Variants in LRP1B observed in about 807,000 individuals in gnomAD.
LRP1B encodes low-density lipoprotein receptor-related protein 1B.
A neutral mutation model predicts 556.6 loss-of-function variants in LRP1B; 217 were observed. The observed-to-expected ratio is 0.39, with a 90% confidence interval of 0.35 to 0.44. The LOEUF is 0.44. Among genes scored for constraint, LRP1B ranks in the 20% least tolerant of loss-of-function variants. The pLI is 1.00. For synonymous variants in LRP1B, 2,047 were observed against 1,865.8 expected (o/e 1.10, Z -2.50); for missense variants, 5,053 against 5,620.8 (o/e 0.90, Z 3.23).
Position 141,699,742 on chromosome 2 carries a change from A to G in LRP1B, c.205+110537T>C, listed in dbSNP as rs1456386603. 2.6e-5 allele frequency among the ~76,000 whole-genome samples: 4 copies of G among 151,058 alleles called. No homozygotes were observed. The Admixed American group carries it at 2.7e-4, about 10-fold the overall frequency. ...GTACACAATAGTGTCAGGTTTTGAA[A>G]TGGCCTTTCCAGTAGTATTGTACAA... On this transcript the variant is annotated intron_variant, in intron 2 of 90. Coordinates refer to ENST00000389484, the MANE Select transcript of LRP1B (RefSeq NM_018557.3).
At position 140,530,268 on chromosome 2, in the gene LRP1B, G is replaced by T. The variant is rs1690630676; in HGVS notation, c.7762+3753C>A. On this transcript the variant is annotated intron_variant, in intron 47 of 90. Coordinates refer to ENST00000389484, the MANE Select transcript of LRP1B (RefSeq NM_018557.3). Reference sequence around the variant, plus strand: ...AGGTGATTTGTGTGTCTGCATATATGTACAAAAAAGCACTGCATCTCTTCA... The same window carrying T: ...AGGTGATTTGTGTGTCTGCATATATTTACAAAAAAGCACTGCATCTCTTCA... Among the ~76,000 whole-genome samples the T allele has an allele frequency of 2.6e-5, 4 of 151,150 alleles. No individual in the cohort carries two copies. The South Asian group carries it at 6.2e-4, about 24-fold the overall frequency.
intron 3 of LRP1B, among the ~76,000 whole-genome samples, chr2:141,419,672 T>C (rs1019769012): frequency 6.6e-6 from 1 of 152,088 alleles, no homozygotes; most frequent in African/African-American, 2.4e-5. Flanking sequence ...TTAATCTAGC[T>C]AAAGATTTGT....
At chr2:141,326,438 G>A (rs750685809) in intron 3 of LRP1B, among the ~76,000 whole-genome samples, 7 of 152,016 alleles carry the variant, frequency 4.6e-5, no homozygotes, top group Non-Finnish European at 8.8e-5. Flanking sequence ...GCATGGCCAC[G>A]GAAAGAAAGT....
intron 3 of LRP1B, among the ~76,000 whole-genome samples, chr2:141,271,519 C>G (rs185929026): frequency 6.6e-6 from 1 of 151,546 alleles, no homozygotes; most frequent in African/African-American, 2.4e-5. Flanking sequence ...AAAGAAGTCC[C>G]AATATGAATA....
intron 2 of LRP1B, among the ~76,000 whole-genome samples, chr2:141,562,528 T>C (rs539995345): frequency 6.6e-6 from 1 of 152,062 alleles, no homozygotes; most frequent in South Asian, 2.1e-4. Flanking sequence ...ATACTTAATA[T>C]TATCTCTGGC....
chr2:140,442,683 C>A (rs1170952456), intron 65 of LRP1B, 60 bp from the exon 66 acceptor site: 1 of 1,524,526 alleles, frequency 6.6e-7, no homozygotes, highest in Non-Finnish European at 9.0e-7. Context: ...TTATTAAAAG[C>A]AAATTTTACA....
chr2:140,344,752 G>C (rs1002429121), intron 77 of LRP1B, among the ~76,000 whole-genome samples: 5 of 151,676 alleles, frequency 3.3e-5, no homozygotes, highest in Non-Finnish European at 5.9e-5. Context: ...AATTATGTTA[G>C]CATGTCGATA....
At chr2:141,327,565 A>T (rs72981234) in intron 3 of LRP1B, among the ~76,000 whole-genome samples, 3,384 of 152,252 alleles carry the variant, frequency 0.022, 151 homozygotes, top group African/African-American at 0.077. Context: ...CTACTACATC[A>T]TGTTATGCCT....
chr2:141,809,862 G>A (rs1368412944), intron 2 of LRP1B, among the ~76,000 whole-genome samples: 5 of 151,920 alleles, frequency 3.3e-5, no homozygotes, highest in Non-Finnish European at 2.9e-5. Context: ...GTCTCAAAAT[G>A]TGTGAGATAA....
At chr2:141,452,814 C>T (rs1168926689) in intron 3 of LRP1B, among the ~76,000 whole-genome samples, 1 of 152,178 alleles carries the variant, frequency 6.6e-6, no homozygotes, top group Non-Finnish European at 1.5e-5. Flanking sequence ...AGAGGGTAAC[C>T]TACTTTTCTT....
At position 140,258,308 on chromosome 2, in the gene LRP1B, T is replaced by TAA. The variant is rs5834729; in HGVS notation, c.13248-11148_13248-11147dup. 2.9e-3 allele frequency among the ~76,000 whole-genome samples: 433 copies of TAA among 147,922 alleles called. 1 individual carries two copies. The highest frequency in any genetic ancestry group is 4.1e-3 in the Non-Finnish European group (277 of 66,882). On this transcript the variant is annotated intron_variant, in intron 86 of 90. Coordinates refer to ENST00000389484, the MANE Select transcript of LRP1B (RefSeq NM_018557.3). ...ATATTCACCTTGAATCCTTCTGCCTTAAAAAAAAAAAATCCACCCTAAAAA... is the reference window on the plus strand; with the variant it reads ...ATATTCACCTTGAATCCTTCTGCCTTAAAAAAAAAAAAAATCCACCCTAAAAA...
intron 3 of LRP1B, among the ~76,000 whole-genome samples, chr2:141,421,861 A>G (rs563525659): frequency 2.2e-4 from 34 of 152,266 alleles, no homozygotes; most frequent in African/African-American, 6.7e-4. Context: ...ATTAAATACC[A>G]TTCTCTTCTG....
At chr2:142,062,917 T>C (rs938076125) in intron 1 of LRP1B, among the ~76,000 whole-genome samples, 2 of 151,610 alleles carry the variant, frequency 1.3e-5, no homozygotes, top group African/African-American at 4.8e-5. Flanking sequence ...CTAAAGTCAT[T>C]ATGTTCAATA....
At chr2:140,837,815 G>A (rs1387926494) in intron 31 of LRP1B, among the ~76,000 whole-genome samples, 7 of 149,902 alleles carry the variant, frequency 4.7e-5, no homozygotes, top group Admixed American at 2.7e-4. Context: ...AGGGGGGAAG[G>A]ATAACATTTG....
intron 27 of LRP1B, among the ~76,000 whole-genome samples, chr2:140,859,517 G>T (rs753275875): frequency 5.9e-5 from 9 of 151,854 alleles, no homozygotes; most frequent in African/African-American, 1.9e-4. Flanking sequence ...AAATCATTTC[G>T]ATGTTAAACT....
intron 35 of LRP1B, among the ~76,000 whole-genome samples, chr2:140,724,946 A>AT (rs918488650): frequency 3.3e-5 from 5 of 152,080 alleles, no homozygotes; most frequent in Non-Finnish European, 7.4e-5. Flanking sequence ...CATTCTTCAT[A>AT]TTTTTTTACT....
chr2:141,812,803 T>G (rs1329639891), intron 1 of LRP1B, among the ~76,000 whole-genome samples: 1 of 152,150 alleles, frequency 6.6e-6, no homozygotes, highest in Non-Finnish European at 1.5e-5. Flanking sequence ...GGGAATTAGA[T>G]GAAGACTCTG....
chr2:141,546,526 T>C (rs1685559567), intron 2 of LRP1B, among the ~76,000 whole-genome samples: 1 of 152,196 alleles, frequency 6.6e-6, no homozygotes, highest in Non-Finnish European at 1.5e-5. Flanking sequence ...TCTAAGGATC[T>C]TTTGTCGGCT....
intron 3 of LRP1B, among the ~76,000 whole-genome samples, chr2:141,444,146 A>C (rs977893917): frequency 6.6e-6 from 1 of 152,126 alleles, no homozygotes; most frequent in African/African-American, 2.4e-5. Flanking sequence ...AGTCCTTCAC[A>C]TCCCTTGTAA....
Sources: allele counts gnomAD v4.1 joint callset (sites outside exome capture counted in the v4.1 genomes callset), GRCh38; gene constraint gnomAD v4.1.1; transcripts MANE v1.5; gene names NCBI Gene and HGNC (gene_info 2026-07-23, HGNC 2026-07-21).